Variants in CAST observed in about 807,000 individuals in gnomAD.
CAST encodes MIR583 host.
In CAST, 76 loss-of-function variants were observed where a neutral mutation model predicts 119.6. The ratio of observed to expected loss-of-function variants is 0.64; its 90% confidence interval spans 0.53 to 0.77. The LOEUF (loss-of-function observed/expected upper bound fraction) is 0.77, where lower values mean the gene tolerates loss of function less well. CAST is among the 30% of genes least tolerant of loss of function. The pLI is 0.00. For missense variants in CAST, 953 were observed against 946.5 expected, an observed-to-expected ratio of 1.01 and a Z score of -0.09; for synonymous variants, 319 against 331.6, an observed-to-expected ratio of 0.96 and a Z score of 0.41.
intron 16 of CAST, 80 bp downstream of exon 16, chr5:96,742,836 C>A: frequency 1.0e-6 from 1 of 964,596 alleles, no homozygotes; most frequent in South Asian, 1.4e-5. Context: ...GTTTAGAATT[C>A]TCGCACAACT....
the CAST span, among the ~76,000 whole-genome samples, chr5:96,231,422 T>G: frequency 6.6e-6 from 1 of 151,986 alleles, no homozygotes; most frequent in Non-Finnish European, 1.5e-5. Context: ...CAAAACAGAA[T>G]AGAATAAGCA....
At chr5:96,585,335 C>T (rs1746840778) in intron 1 of CAST, among the ~76,000 whole-genome samples, 1 of 152,164 alleles carries the variant, frequency 6.6e-6, no homozygotes, top group South Asian at 2.1e-4. Context: ...TTACTACCTC[C>T]AGCCCATCCT....
the CAST span, among the ~76,000 whole-genome samples, chr5:96,406,530 C>T: frequency 6.6e-6 from 1 of 152,154 alleles, no homozygotes; most frequent in Non-Finnish European, 1.5e-5. Context: ...TGCTAGACTT[C>T]CTTGCTTAGC....
At chr5:96,151,970 C>T in the CAST span, among the ~76,000 whole-genome samples, 5 of 152,152 alleles carry the variant, frequency 3.3e-5, no homozygotes, top group African/African-American at 1.2e-4. Flanking sequence ...CCAGCAGCCT[C>T]TCCTATGACA....
At chr5:96,307,130 G>T in the CAST span, among the ~76,000 whole-genome samples, 1 of 152,170 alleles carries the variant, frequency 6.6e-6, no homozygotes, top group Non-Finnish European at 1.5e-5. Flanking sequence ...GAATCTGGAT[G>T]CTTCTGTATT....
the CAST span, among the ~76,000 whole-genome samples, chr5:96,292,070 G>C: frequency 6.6e-6 from 1 of 151,908 alleles, no homozygotes; most frequent in African/African-American, 2.4e-5. Context: ...CTCTCTGTTT[G>C]AATGAGAAGG....
the CAST span, among the ~76,000 whole-genome samples, chr5:96,474,605 G>A: frequency 6.6e-6 from 1 of 152,140 alleles, no homozygotes; most frequent in Non-Finnish European, 1.5e-5. Flanking sequence ...GATGACAATG[G>A]GCAGGTTTAT....
the CAST span, among the ~76,000 whole-genome samples, chr5:96,032,122 TG>T: frequency 1.3e-5 from 2 of 152,148 alleles, no homozygotes; most frequent in Non-Finnish European, 2.9e-5. Flanking sequence ...ATTTTACTGG[TG>T]ATACAGACCA....
chr5:96,124,592 A>G, the CAST span, among the ~76,000 whole-genome samples: 1 of 152,122 alleles, frequency 6.6e-6, no homozygotes, highest in African/African-American at 2.4e-5. Context: ...CCCTTTATGG[A>G]CAGGGACCTT....
At chr5:96,688,631 A>G (rs1752348541) in intron 2 of CAST, among the ~76,000 whole-genome samples, 2 of 152,360 alleles carry the variant, frequency 1.3e-5, no homozygotes, top group African/African-American at 4.8e-5. Context: ...AATTCTATTC[A>G]TATAACATAC....
At chr5:96,102,310 C>A in the CAST span, among the ~76,000 whole-genome samples, 1 of 152,074 alleles carries the variant, frequency 6.6e-6, no homozygotes, top group Admixed American at 6.5e-5. Context: ...ATAATCTTCC[C>A]TGAAGTCTGT....
At chr5:96,133,203 A>G in the CAST span, among the ~76,000 whole-genome samples, 1 of 152,196 alleles carries the variant, frequency 6.6e-6, no homozygotes, top group African/African-American at 2.4e-5. Flanking sequence ...CAGACAAAAC[A>G]AAAGTTAACA....
the CAST span, chr5:96,433,243 C>A: frequency 1.6e-6 from 1 of 614,672 alleles, no homozygotes; most frequent in South Asian, 1.9e-5. Context: ...GGTCTCCAGG[C>A]TGAGTGGAGC....
the CAST span, among the ~76,000 whole-genome samples, chr5:96,244,215 CAAT>C: frequency 6.6e-6 from 1 of 152,100 alleles, no homozygotes; most frequent in Non-Finnish European, 1.5e-5. Context: ...TAAATTCACT[CAAT>C]AAATAAAATG....
chr5:96,541,867 A>G (rs983020773), intron 1 of CAST, among the ~76,000 whole-genome samples: 4 of 152,198 alleles, frequency 2.6e-5, no homozygotes, highest in African/African-American at 7.2e-5. Context: ...CTGCTCATCT[A>G]TAGAAGAACA....
At chr5:96,749,659 G>A (rs563703856) in intron 19 of CAST, among the ~76,000 whole-genome samples, 8 of 152,196 alleles carry the variant, frequency 5.3e-5, no homozygotes, top group African/African-American at 1.2e-4. Context: ...CAATTCTCTC[G>A]CCTCAGCCTC....
At chr5:96,683,208 A>G (rs1024497249) in intron 2 of CAST, among the ~76,000 whole-genome samples, 1 of 152,202 alleles carries the variant, frequency 6.6e-6, no homozygotes, top group Non-Finnish European at 1.5e-5. Flanking sequence ...TTTCAGGGAC[A>G]TAAGCTTGCT....
chr5:96,733,728 T>C (rs1427324731), intron 9 of CAST, among the ~76,000 whole-genome samples: 1 of 152,084 alleles, frequency 6.6e-6, no homozygotes, highest in African/African-American at 2.4e-5. Flanking sequence ...AAATAAAAAA[T>C]TAGCTGGGCA....
chr5:96,360,292 C>G, the CAST span, among the ~76,000 whole-genome samples: 14 of 152,004 alleles, frequency 9.2e-5, no homozygotes, highest in Non-Finnish European at 2.1e-4. Context: ...GCTCCTTTAG[C>G]TCAGAGGAGT....
Sources: gnomAD v4.1 joint callset for allele counts (sites outside exome capture counted in the v4.1 genomes callset) on GRCh38, gnomAD v4.1.1 for gene constraint, MANE v1.5 for transcripts, NCBI Gene and HGNC (gene_info 2026-07-23, HGNC 2026-07-21) for gene names.